DPYD: variants seen among roughly 807,000 people sequenced by gnomAD.
The protein encoded by DPYD is dihydropyrimidine dehydrogenase.
Under a neutral mutation model 116.2 loss-of-function variants are expected in DPYD, and 109 were observed. The observed-to-expected ratio is 0.94, with a 90% confidence interval of 0.80 to 1.10. The LOEUF is 1.10. Among genes scored for constraint, DPYD ranks in the 50% least tolerant of loss-of-function variants. DPYD has a pLI of 0.00. For synonymous variants in DPYD, 440 were observed against 432.0 expected, an observed-to-expected ratio of 1.02 and a Z score of -0.23; for missense variants, 1,302 against 1,254.5, an observed-to-expected ratio of 1.04 and a Z score of -0.57.
intron 8 of DPYD, among the ~76,000 whole-genome samples, chr1:97,606,223 C>T (rs1417164887): frequency 6.6e-6 from 1 of 151,976 alleles, no homozygotes; most frequent in Non-Finnish European, 1.5e-5. Context: ...CTACTACGTG[C>T]TAAACACCAT....
chr1:97,536,086 G>T (rs1442818452), intron 12 of DPYD, among the ~76,000 whole-genome samples: 1 of 152,076 alleles, frequency 6.6e-6, no homozygotes, highest in African/African-American at 2.4e-5. Flanking sequence ...TTGCCATTGC[G>T]AGAGATAAAG....
At chr1:97,595,657 T>G (rs1395363911) in intron 8 of DPYD, among the ~76,000 whole-genome samples, 1 of 151,706 alleles carries the variant, frequency 6.6e-6, no homozygotes, top group Admixed American at 6.6e-5. Context: ...ACTGCTAAAT[T>G]TAAAAAATAT....
chr1:97,097,119 A>G (rs567247189), intron 21 of DPYD, among the ~76,000 whole-genome samples: 2 of 152,298 alleles, frequency 1.3e-5, no homozygotes, highest in South Asian at 4.2e-4. Flanking sequence ...GTGGCACAAA[A>G]ATAATTTAAC....
At chr1:97,590,474 A>G (rs923339602) in intron 10 of DPYD, among the ~76,000 whole-genome samples, 1 of 152,206 alleles carries the variant, frequency 6.6e-6, no homozygotes, top group Non-Finnish European at 1.5e-5. Context: ...GGAAGGTAAA[A>G]GTGACCCAGA....
intron 8 of DPYD, among the ~76,000 whole-genome samples, chr1:97,622,561 T>C (rs1055985264): frequency 2.0e-5 from 3 of 152,004 alleles, no homozygotes; most frequent in African/African-American, 7.2e-5. Context: ...TAAGGAAATC[T>C]AGCAAATGTG....
intron 3 of DPYD, among the ~76,000 whole-genome samples, chr1:97,760,589 T>C (rs1665520431): frequency 6.6e-6 from 1 of 152,058 alleles, no homozygotes; most frequent in African/African-American, 2.4e-5. Context: ...TATTAAACCA[T>C]TTTATATCAG....
chr1:97,375,892 A>G (rs1158041803), intron 15 of DPYD, among the ~76,000 whole-genome samples: 3 of 152,242 alleles, frequency 2.0e-5, no homozygotes, highest in Non-Finnish European at 4.4e-5. Context: ...AATCAATTCA[A>G]CATCATTTTG....
chr1:97,115,708 A>T (rs1404167779), intron 20 of DPYD, among the ~76,000 whole-genome samples: 2 of 152,200 alleles, frequency 1.3e-5, no homozygotes, highest in Non-Finnish European at 2.9e-5. Flanking sequence ...AATCATTATT[A>T]TGGTCACAAT....
At chr1:97,268,396 T>C (rs1664366680) in intron 18 of DPYD, among the ~76,000 whole-genome samples, 1 of 152,200 alleles carries the variant, frequency 6.6e-6, no homozygotes. Flanking sequence ...GTCTCACTCC[T>C]GCACTCTGCT....
intron 20 of DPYD, among the ~76,000 whole-genome samples, chr1:97,133,927 A>G (rs1653523953): frequency 6.8e-6 from 1 of 146,826 alleles, no homozygotes; most frequent in South Asian, 2.2e-4. Flanking sequence ...GAAACCCGGG[A>G]GGTGGAGGTT....
chr1:97,789,676 C>T (rs923440191), intron 3 of DPYD, among the ~76,000 whole-genome samples: 4 of 152,106 alleles, frequency 2.6e-5, no homozygotes, highest in Non-Finnish European at 5.9e-5. Flanking sequence ...CTCATGCTGG[C>T]CTAAGTTCCT....
chr1:97,822,991 T>G (rs948895817), intron 3 of DPYD, among the ~76,000 whole-genome samples: 9 of 152,214 alleles, frequency 5.9e-5, no homozygotes, highest in African/African-American at 1.7e-4. Flanking sequence ...TGCATAAGTT[T>G]TTTAAAATAA....
At chr1:97,246,167 A>G (rs1294504842) in intron 18 of DPYD, among the ~76,000 whole-genome samples, 2 of 152,178 alleles carry the variant, frequency 1.3e-5, no homozygotes, top group Non-Finnish European at 2.9e-5. Flanking sequence ...TCTATCAATT[A>G]GTTGACAATA....
intron 10 of DPYD, among the ~76,000 whole-genome samples, chr1:97,589,001 T>C (rs1275856367): frequency 6.6e-6 from 1 of 152,140 alleles, no homozygotes; most frequent in Admixed American, 6.5e-5. Context: ...AGGAAACTTG[T>C]TAAAAATGCA....
chr1:97,350,573 T>C (rs949478908), intron 16 of DPYD, among the ~76,000 whole-genome samples: 2 of 152,140 alleles, frequency 1.3e-5, no homozygotes, highest in Non-Finnish European at 2.9e-5. Flanking sequence ...ATTAATAGCT[T>C]ATTATTGGAG....
At chr1:97,751,472 A>ATATATATATG (rs1664915121) in intron 3 of DPYD, among the ~76,000 whole-genome samples, 1 of 113,958 alleles carries the variant, frequency 8.8e-6, no homozygotes, top group African/African-American at 3.5e-5. Flanking sequence ...ATATATATAT[A>ATATATATATG]TATATATATA....
intron 10 of DPYD, chr1:97,585,800 A>C (rs1389049348): frequency 6.6e-6 from 1 of 152,216 alleles, no homozygotes; most frequent in Non-Finnish European, 1.5e-5. Context: ...TTCACCTAAA[A>C]ATGAATGAAG....
intron 16 of DPYD, among the ~76,000 whole-genome samples, chr1:97,339,828 T>C (rs1669505016): frequency 1.3e-5 from 2 of 152,144 alleles, no homozygotes. Context: ...GTGTGTTTAA[T>C]TAAAACCCGT....
intron 3 of DPYD, among the ~76,000 whole-genome samples, chr1:97,779,329 A>ACG (rs1291538527): frequency 6.6e-6 from 1 of 151,300 alleles, no homozygotes; most frequent in East Asian, 1.9e-4. Flanking sequence ...ACACACACAC[A>ACG]AAGACTTACA....
Sources: gnomAD v4.1 joint callset for allele counts (sites outside exome capture counted in the v4.1 genomes callset) on GRCh38, gnomAD v4.1.1 for gene constraint, MANE v1.5 for transcripts, NCBI Gene and HGNC (gene_info 2026-07-23, HGNC 2026-07-21) for gene names.